The following PROX1 variants were observed in gnomAD, a reference collection of about 807,000 sequenced individuals.
The protein encoded by PROX1 is prospero homeobox protein 1.
In PROX1, 7 loss-of-function variants were observed where a neutral mutation model predicts 58.8. That is an observed-to-expected ratio of 0.12 (90% confidence interval 0.07 to 0.22). PROX1 has a LOEUF of 0.22. Among genes scored for constraint, PROX1 ranks in the 10% least tolerant of loss-of-function variants. PROX1 has a pLI of 1.00. For synonymous variants in PROX1, 350 were observed against 358.3 expected, an observed-to-expected ratio of 0.98 and a Z score of 0.26; for missense variants, 675 against 927.8, an observed-to-expected ratio of 0.73 and a Z score of 3.54.
chr1:214,000,065 C>G (rs953696346), intron 2 of PROX1, among the ~76,000 whole-genome samples: 2 of 151,088 alleles, frequency 1.3e-5, no homozygotes, highest in African/African-American at 2.4e-5. Flanking sequence ...CACACACACA[C>G]AGACACACAC....
chr1:214,020,733 A>G (rs926796739), intron 4 of PROX1, among the ~76,000 whole-genome samples: 2 of 152,246 alleles, frequency 1.3e-5, no homozygotes, highest in Non-Finnish European at 2.9e-5. Flanking sequence ...AAATTCTCTA[A>G]CTACTGCAAC....
chr1:214,003,911 T>C (rs1213069909), intron 2 of PROX1, among the ~76,000 whole-genome samples: 1 of 152,252 alleles, frequency 6.6e-6, no homozygotes, highest in Non-Finnish European at 1.5e-5. Flanking sequence ...TTCCTAAATA[T>C]CTGTGTTTAT....
intron 4 of PROX1, among the ~76,000 whole-genome samples, chr1:214,016,704 T>C (rs1169573344): frequency 6.6e-6 from 1 of 152,190 alleles, no homozygotes; most frequent in African/African-American, 2.4e-5. Context: ...GCCTGAAATT[T>C]GAAGGAGAGC....
chr1:214,032,862 C>T (rs1314096040), intron 4 of PROX1, among the ~76,000 whole-genome samples: 1 of 152,126 alleles, frequency 6.6e-6, no homozygotes, highest in Admixed American at 6.5e-5. Flanking sequence ...TGATTGCCAC[C>T]ACAAGAAAGG....
At chr1:214,000,688 A>C (rs576885889) in intron 2 of PROX1, among the ~76,000 whole-genome samples, 14 of 152,282 alleles carry the variant, frequency 9.2e-5, no homozygotes, top group Non-Finnish European at 2.1e-4. Context: ...ATTATTTCTC[A>C]GGAAGAGTAA....
chr1:214,030,057 A>G (rs1303489136), intron 4 of PROX1: 1 of 152,630 alleles, frequency 6.6e-6, no homozygotes, highest in Non-Finnish European at 1.5e-5. Context: ...GCAGATGCAG[A>G]CAAAAGGGTT....
At chr1:214,025,024 A>G (rs1005853008) in intron 4 of PROX1, among the ~76,000 whole-genome samples, 5 of 152,164 alleles carry the variant, frequency 3.3e-5, no homozygotes, top group Admixed American at 6.5e-5. Context: ...TGCAGGGCTT[A>G]TTTTTCCACC....
chr1:214,022,748 T>C (rs1245549638), intron 4 of PROX1, among the ~76,000 whole-genome samples: 2 of 152,210 alleles, frequency 1.3e-5, no homozygotes, highest in African/African-American at 4.8e-5. Flanking sequence ...AAGAGTTTCA[T>C]TCTAGCTCTG....
At chr1:213,995,172 A>G (rs141937688) in intron 1 of PROX1, among the ~76,000 whole-genome samples, 15 of 150,018 alleles carry the variant, frequency 1.0e-4, no homozygotes, top group Middle Eastern at 3.4e-3. Context: ...GTGAAGTTTA[A>G]TATTAGATAA....
intron 4 of PROX1, among the ~76,000 whole-genome samples, chr1:214,019,551 C>T (rs572870551): frequency 1.3e-5 from 2 of 152,298 alleles, no homozygotes; most frequent in South Asian, 2.1e-4. Context: ...AGGCAGAGAT[C>T]GTTAGGTGGG....
At chr1:214,025,941 C>G (rs921704024) in intron 4 of PROX1, among the ~76,000 whole-genome samples, 2 of 152,106 alleles carry the variant, frequency 1.3e-5, no homozygotes, top group African/African-American at 4.8e-5. Context: ...GGATTACAGG[C>G]GTGAGCCACC....
At chr1:214,009,349 C>T (rs759123054) in intron 3 of PROX1, among the ~76,000 whole-genome samples, 1 of 152,180 alleles carries the variant, frequency 6.6e-6, no homozygotes, top group South Asian at 2.1e-4. Flanking sequence ...CACTACAGAG[C>T]TTTCCTTTAT....
intron 4 of PROX1, among the ~76,000 whole-genome samples, chr1:214,024,342 T>TTCTC (rs1664381622): frequency 1.3e-5 from 2 of 152,154 alleles, no homozygotes; most frequent in African/African-American, 4.8e-5. Flanking sequence ...AGAATAGAAT[T>TTCTC]TCTCTGACAG....
Position 214,005,276 on chromosome 1 carries a change from G to A in PROX1, c.1833+4G>A, listed in dbSNP as rs758112050. 2.5e-6 allele frequency: 4 copies of A among 1,598,210 alleles called. No individual in the cohort carries two copies. Among genetic ancestry groups the A allele is most frequent in the African/African-American group, 1.3e-5 (1 of 74,116 alleles). ...GACCTACTTCTCCGACGTAAAGGTA[G>A]GGACTTTTTTTATTCTTAATTTTTT... On this transcript the variant is annotated splice_donor_region_variant and intron_variant, in intron 3 of 4. Coordinates refer to ENST00000366958, the MANE Select transcript of PROX1 (RefSeq NM_001270616.2).
chr1:213,998,410 A>G, intron 2 of PROX1, 150 bp downstream of exon 2: 1 of 976,092 alleles, frequency 1.0e-6, no homozygotes, highest in Non-Finnish European at 1.4e-6. Flanking sequence ...TTTTATCAGC[A>G]TGCGTGTGCC....
At chr1:213,990,162 A>G (rs1313275319) in intron 1 of PROX1, among the ~76,000 whole-genome samples, 1 of 150,428 alleles carries the variant, frequency 6.6e-6, no homozygotes, top group Non-Finnish European at 1.5e-5. Context: ...AAAGAAAAGA[A>G]AAAAAAAAGA....
intron 4 of PROX1, among the ~76,000 whole-genome samples, chr1:214,017,683 C>T (rs998881246): frequency 9.9e-5 from 15 of 151,960 alleles, no homozygotes; most frequent in African/African-American, 1.5e-4. Flanking sequence ...CCTCACCTCC[C>T]GCACCCCCCC....
chr1:213,996,331 G>C (rs997117689), intron 1 of PROX1, 138 bp from the exon 2 acceptor site: 1 of 549,634 alleles, frequency 1.8e-6, no homozygotes, highest in African/African-American at 1.9e-5. Context: ...CAAGCAGAGT[G>C]CATAATAAAT....
upstream of PROX1, chr1:213,986,162 G>A (rs1446335268): frequency 6.6e-6 from 1 of 152,106 alleles, no homozygotes; most frequent in Non-Finnish European, 1.5e-5. Flanking sequence ...GTCACATCCC[G>A]GTTAGAACAC....
Sources: gnomAD v4.1 joint callset for allele counts (sites outside exome capture counted in the v4.1 genomes callset) on GRCh38, gnomAD v4.1.1 for gene constraint, MANE v1.5 for transcripts, NCBI Gene and HGNC (gene_info 2026-07-23, HGNC 2026-07-21) for gene names.